The following TSPAN15 variants were observed in gnomAD, a reference collection of about 807,000 sequenced individuals.
TSPAN15 encodes the protein tetraspanin-15.
Under a neutral mutation model 34.5 loss-of-function variants are expected in TSPAN15, and 20 were observed. The ratio of observed to expected loss-of-function variants is 0.58; its 90% CI spans 0.41 to 0.84. TSPAN15 has a LOEUF of 0.84. TSPAN15 is among the 40% of genes least tolerant of loss of function. The pLI is 0.00. For missense variants in TSPAN15, 313 were observed against 386.1 expected (o/e 0.81, Z 1.59); for synonymous variants, 155 against 153.9 (o/e 1.01, Z -0.05).
chr10:69,458,272 T>G (rs528839292), intron 1 of TSPAN15, among the ~76,000 whole-genome samples: 73 of 152,246 alleles, frequency 4.8e-4, no homozygotes, highest in Admixed American at 1.3e-3. Context: ...ATTTTTACTT[T>G]CGAGAAGAGC....
At chr10:69,516,813 G>A in the TSPAN15 span, among the ~76,000 whole-genome samples, 1 of 152,168 alleles carries the variant, frequency 6.6e-6, no homozygotes, top group Non-Finnish European at 1.5e-5. Flanking sequence ...GGGTGGGATG[G>A]TGATCTGCTT....
the TSPAN15 span, among the ~76,000 whole-genome samples, chr10:69,537,654 C>T: frequency 6.6e-6 from 1 of 152,328 alleles, no homozygotes; most frequent in East Asian, 1.9e-4. Flanking sequence ...TGACGTCATC[C>T]TAACTCATTA....
chr10:69,497,404 C>T (rs1402561699), intron 4 of TSPAN15, among the ~76,000 whole-genome samples: 4 of 152,208 alleles, frequency 2.6e-5, no homozygotes, highest in African/African-American at 4.8e-5. Flanking sequence ...TGTTGGCCTC[C>T]GCACCTGCTG....
At chr10:69,489,980 C>T (rs962029182) in intron 3 of TSPAN15, among the ~76,000 whole-genome samples, 1 of 152,208 alleles carries the variant, frequency 6.6e-6, no homozygotes, top group Non-Finnish European at 1.5e-5. Context: ...GGCAGCTCCT[C>T]ATGCTTCCAG....
At chr10:69,529,899 C>T in the TSPAN15 span, among the ~76,000 whole-genome samples, 1 of 143,138 alleles carries the variant, frequency 7.0e-6, no homozygotes, top group African/African-American at 2.5e-5. Context: ...GCCTTTGCAT[C>T]CTCATAGCTT....
At chr10:69,476,550 C>T (rs1157559481) in intron 1 of TSPAN15, among the ~76,000 whole-genome samples, 1 of 146,564 alleles carries the variant, frequency 6.8e-6, no homozygotes, top group Non-Finnish European at 1.5e-5. Context: ...GAGTGAGACC[C>T]TGTCTCAAAG....
Position 69,485,020 on chromosome 10 carries a change from G to A in TSPAN15, c.283-121G>A. ...GGAGGGGGCAGAGGCCTAGGAGCTG[G>A]TAGGAGCTCCCCGAGGGATGCTTCT... On this transcript the variant is annotated intron_variant, in intron 2 of 7. Coordinates refer to ENST00000373290, the MANE Select transcript of TSPAN15 (RefSeq NM_012339.5). 4.3e-6 allele frequency: 4 copies of A among 940,220 alleles called. No homozygotes were observed. In the South Asian group the frequency reaches 5.6e-5, roughly 13 times the overall value. 58.2% of individuals were successfully genotyped at this position (940,220 alleles called of 1,614,324 possible). A position where few individuals can be genotyped will look rare whatever the true frequency, so the allele number is the denominator to read the frequency against.
chr10:69,489,690 CT>C (rs1249944553), intron 3 of TSPAN15, among the ~76,000 whole-genome samples: 1 of 152,238 alleles, frequency 6.6e-6, no homozygotes, highest in Admixed American at 6.5e-5. Flanking sequence ...GAAACTCCCC[CT>C]GGCTCTGACC....
chr10:69,506,315 G>A lies in TSPAN15; in HGVS notation c.735+75G>A. 1.4e-6 allele frequency: 2 copies of A among 1,420,818 alleles called. No homozygotes were observed. The highest frequency in any genetic ancestry group is 2.0e-6 in the Non-Finnish European group (2 of 1,012,508). The allele number at this position is 1,420,818 out of a possible 1,614,324, so 88.0% of individuals were successfully genotyped here. A position where few individuals can be genotyped will look rare whatever the true frequency, so the allele number is the denominator to read the frequency against. ...GGCAGAGAAGGTGCAGAGGGGAAGA[G>A]CGAAGAGGCTTTTTTCATAGAAGTC... is the stretch of plus-strand genomic sequence containing the variant. On this transcript the variant is annotated intron_variant, in intron 7 of 7. Coordinates refer to ENST00000373290, the MANE Select transcript of TSPAN15 (RefSeq NM_012339.5). This position sits in a 1 kb window ranked among gnomAD's most constrained non-coding sequence, Gnocchi z 4.7.
At chr10:69,473,260 A>G (rs866869702) in intron 1 of TSPAN15, among the ~76,000 whole-genome samples, 1 of 152,270 alleles carries the variant, frequency 6.6e-6, no homozygotes, top group East Asian at 1.9e-4. Context: ...CCTGGGCTCA[A>G]GCGATGGGAG....
chr10:69,527,046 A>G, the TSPAN15 span, among the ~76,000 whole-genome samples: 4 of 148,054 alleles, frequency 2.7e-5, no homozygotes, highest in Admixed American at 7.0e-5. Flanking sequence ...AACATTATTC[A>G]TGGTGATCAA....
At chr10:69,460,262 G>T (rs1181938964) in intron 1 of TSPAN15, among the ~76,000 whole-genome samples, 2 of 152,054 alleles carry the variant, frequency 1.3e-5, no homozygotes. Context: ...ACTGTCAGAA[G>T]CACTAGGCCA....
the TSPAN15 span, among the ~76,000 whole-genome samples, chr10:69,514,997 G>T: frequency 1.3e-5 from 2 of 152,158 alleles, no homozygotes; most frequent in South Asian, 4.2e-4. Context: ...TGTCCCACTT[G>T]CCCCAAATTG....
chr10:69,483,729 A>G lies in TSPAN15; in HGVS notation c.135A>G (p.Ala45=). 1 of 1,614,178 alleles carries G rather than the reference A, an allele frequency of 6.2e-7. No homozygotes were observed. The highest frequency in any genetic ancestry group is 8.5e-7 in the Non-Finnish European group (1 of 1,180,034). The stretch of plus-strand genomic sequence containing the variant: ...TGGTCCTGTCTGTGGGCATCTATGC[A>G]GAGGTTGAGCGGCAGAAATATAAAA... ...GALVLSVGIY[A]EVERQKYKTL... Residue 45 remains alanine, a synonymous_variant, in exon 2 of 8, where the codon GCA becomes GCG. Coordinates refer to ENST00000373290, the MANE Select transcript of TSPAN15 (RefSeq NM_012339.5).
At chr10:69,526,891 A>G in the TSPAN15 span, among the ~76,000 whole-genome samples, 3 of 147,498 alleles carry the variant, frequency 2.0e-5, no homozygotes, top group African/African-American at 7.4e-5. Flanking sequence ...AAAATAGTGC[A>G]GCCACTCTGA....
At chr10:69,453,431 T>C (rs1428185206) in intron 1 of TSPAN15, among the ~76,000 whole-genome samples, 1 of 152,202 alleles carries the variant, frequency 6.6e-6, no homozygotes, top group Non-Finnish European at 1.5e-5. Flanking sequence ...CCTTGTGTGT[T>C]CTGTGAGCCC....
the TSPAN15 span, among the ~76,000 whole-genome samples, chr10:69,531,792 C>T: frequency 6.6e-6 from 1 of 151,940 alleles, no homozygotes; most frequent in African/African-American, 2.4e-5. Context: ...AAAAAACATT[C>T]AACAAAATCC....
At chr10:69,525,107 CA>C in the TSPAN15 span, among the ~76,000 whole-genome samples, 2 of 146,624 alleles carry the variant, frequency 1.4e-5, no homozygotes, top group Non-Finnish European at 3.0e-5. Flanking sequence ...TTAAAAGGGA[CA>C]AGCCTAGCTC....
intron 1 of TSPAN15, among the ~76,000 whole-genome samples, chr10:69,464,296 T>C (rs1390869968): frequency 6.9e-6 from 1 of 145,426 alleles, no homozygotes; most frequent in Non-Finnish European, 1.5e-5. Context: ...GGTGGACTTA[T>C]TAGGGAGGGG....
Sources: gnomAD v4.1 joint callset for allele counts (sites outside exome capture counted in the v4.1 genomes callset) on GRCh38, gnomAD v4.1.1 for gene constraint, Gnocchi (gnomAD v3.1) non-coding constraint, MANE v1.5 for transcripts, NCBI Gene and HGNC (gene_info 2026-07-23, HGNC 2026-07-21) for gene names.